PLPPR1: variants seen among roughly 807,000 people sequenced by gnomAD.
PLPPR1 encodes the protein phospholipid phosphatase related 1.
In PLPPR1, 10 loss-of-function variants were observed where a neutral mutation model predicts 33.1. The observed-to-expected ratio is 0.30, with a 90% confidence interval of 0.19 to 0.51. The LOEUF (loss-of-function observed/expected upper bound fraction) is 0.51. PLPPR1 is among the 20% of genes least tolerant of loss of function. The pLI, the probability that PLPPR1 is intolerant of heterozygous loss-of-function variation, is 0.97. For synonymous variants in PLPPR1, 151 were observed against 151.0 expected (o/e 1.00, Z 0.00); for missense variants, 304 against 408.1 (o/e 0.74, Z 2.20).
chr9:101,178,180 T>A (rs539382662), intron 1 of PLPPR1, among the ~76,000 whole-genome samples: 2 of 152,170 alleles, frequency 1.3e-5, no homozygotes, highest in Non-Finnish European at 2.9e-5. Flanking sequence ...CAGCCACCCA[T>A]GTCATTGCCC....
At chr9:101,035,940 A>G (rs2118405925) in intron 1 of PLPPR1, among the ~76,000 whole-genome samples, 1 of 152,244 alleles carries the variant, frequency 6.6e-6, no homozygotes, top group Middle Eastern at 3.4e-3. Flanking sequence ...CAGAATTCTC[A>G]TATTCTAATT....
chr9:101,257,780 C>T (rs917629150), intron 2 of PLPPR1, among the ~76,000 whole-genome samples: 4 of 152,002 alleles, frequency 2.6e-5, no homozygotes, highest in African/African-American at 2.4e-5. Context: ...CCACCATAGC[C>T]CATCCATAAT....
intron 1 of PLPPR1, among the ~76,000 whole-genome samples, chr9:101,147,556 A>G (rs1381928791): frequency 6.6e-6 from 1 of 152,174 alleles, no homozygotes; most frequent in Non-Finnish European, 1.5e-5. Flanking sequence ...GACCCAGGAA[A>G]TGGACAAAGA....
chr9:101,060,516 A>C (rs1035350196), intron 1 of PLPPR1, among the ~76,000 whole-genome samples: 1 of 151,982 alleles, frequency 6.6e-6, no homozygotes, highest in Non-Finnish European at 1.5e-5. Context: ...TAATTATCTT[A>C]ATTTAGCCAT....
intron 2 of PLPPR1, among the ~76,000 whole-genome samples, chr9:101,232,053 T>C (rs1827196941): frequency 6.6e-6 from 1 of 152,090 alleles, no homozygotes; most frequent in South Asian, 2.1e-4. Flanking sequence ...CTTTTATGCT[T>C]GCAGAAGCAT....
chr9:101,198,423 A>G (rs1383116214), intron 2 of PLPPR1, among the ~76,000 whole-genome samples: 3 of 152,222 alleles, frequency 2.0e-5, no homozygotes, highest in Non-Finnish European at 4.4e-5. Flanking sequence ...CGGAGTCACA[A>G]CCAAACCTGC....
chr9:101,090,107 G>A (rs780873513), intron 1 of PLPPR1, among the ~76,000 whole-genome samples: 28 of 152,084 alleles, frequency 1.8e-4, no homozygotes, highest in Non-Finnish European at 2.9e-5. Context: ...TCTTCACACA[G>A]CATATTCTCC....
intron 2 of PLPPR1, among the ~76,000 whole-genome samples, chr9:101,262,197 C>T (rs1229169084): frequency 6.6e-6 from 1 of 152,174 alleles, no homozygotes; most frequent in Non-Finnish European, 1.5e-5. Flanking sequence ...TACACAGTCT[C>T]ATTTAATCTT....
At chr9:101,235,013 A>G (rs768975473) in intron 2 of PLPPR1, among the ~76,000 whole-genome samples, 3 of 151,928 alleles carry the variant, frequency 2.0e-5, no homozygotes, top group Non-Finnish European at 4.4e-5. Context: ...GTTTTTCTAT[A>G]AACTATGATA....
chr9:101,236,852 A>G (rs1054688078), intron 2 of PLPPR1, among the ~76,000 whole-genome samples: 1 of 151,872 alleles, frequency 6.6e-6, no homozygotes, highest in Non-Finnish European at 1.5e-5. Context: ...GACTTAATTA[A>G]ACTACAAGCC....
intron 1 of PLPPR1, among the ~76,000 whole-genome samples, chr9:101,133,234 A>G (rs1213960976): frequency 6.6e-6 from 1 of 152,146 alleles, no homozygotes; most frequent in Non-Finnish European, 1.5e-5. Context: ...TTGATCTTAT[A>G]CTTTAATATT....
Position 101,080,391 on chromosome 9 carries a change from G to A in PLPPR1, c.-46+51289G>A, listed in dbSNP as rs536117489. ...TAGCAAGGCATGGTAGCACATGCCT[G>A]TAGTCCCAGCTGCTTGAGAGTCTGA... On this transcript the variant is annotated intron_variant, in intron 1 of 7. Transcript: ENST00000374874. 1.7e-4 allele frequency among the ~76,000 whole-genome samples: 26 copies of A among 152,244 alleles called. 1 individual carries two copies. The highest frequency in any genetic ancestry group is 3.6e-4 in the African/African-American group (15 of 41,546).
At chr9:101,134,800 A>G (rs1459789166) in intron 1 of PLPPR1, among the ~76,000 whole-genome samples, 3 of 152,222 alleles carry the variant, frequency 2.0e-5, no homozygotes, top group Non-Finnish European at 4.4e-5. Context: ...CAGCAAGAGC[A>G]AATGTGTGGG....
intron 4 of PLPPR1, among the ~76,000 whole-genome samples, chr9:101,298,726 AC>A (rs775589670): frequency 1.3e-5 from 2 of 152,164 alleles, no homozygotes; most frequent in African/African-American, 2.4e-5. Context: ...CTATGAGTGA[AC>A]CAAATAGAAA....
intron 1 of PLPPR1, among the ~76,000 whole-genome samples, chr9:101,064,890 G>A (rs578047008): frequency 2.0e-5 from 3 of 151,988 alleles, no homozygotes; most frequent in East Asian, 1.9e-4. Context: ...ATCTACTCTC[G>A]TGATAACCAA....
At chr9:101,285,332 G>A (rs1309289478) in intron 3 of PLPPR1, among the ~76,000 whole-genome samples, 1 of 152,088 alleles carries the variant, frequency 6.6e-6, no homozygotes, top group Non-Finnish European at 1.5e-5. Flanking sequence ...CTACCTAAGG[G>A]CATTATAATT....
intron 1 of PLPPR1, among the ~76,000 whole-genome samples, chr9:101,136,830 G>T (rs1831383266): frequency 6.6e-6 from 1 of 152,096 alleles, no homozygotes; most frequent in Non-Finnish European, 1.5e-5. Context: ...CAGTGGACAG[G>T]GGTGAGAGAT....
chr9:101,312,361 G>T lies in PLPPR1; in HGVS notation c.637-437G>T, dbSNP rs796489007. ...TGGGGACACAAAAAATAAAATGTAC[G>T]GTCACTTACAGTCACTCTCCTACCT... On this transcript the variant is annotated intron_variant, in intron 5 of 7. Coordinates refer to ENST00000374874, the MANE Select transcript of PLPPR1 (RefSeq NM_207299.2). Among the ~76,000 whole-genome samples, 156 of 152,130 alleles carry T rather than the reference G, an allele frequency of 1.0e-3. 1 individual carries two copies. The highest frequency in any genetic ancestry group is 3.5e-3 in the African/African-American group (147 of 41,504).
intron 6 of PLPPR1, 111 bp downstream of exon 6, chr9:101,313,085 A>G (rs1222300649): frequency 5.6e-6 from 5 of 888,484 alleles, no homozygotes; most frequent in Non-Finnish European, 8.9e-6. Flanking sequence ...CAACCTTGTG[A>G]ATTACAATTA....
Sources: allele counts gnomAD v4.1 joint callset (sites outside exome capture counted in the v4.1 genomes callset), GRCh38; gene constraint gnomAD v4.1.1; transcripts MANE v1.5; gene names NCBI Gene and HGNC (gene_info 2026-07-23, HGNC 2026-07-21).